Variants in ENOX1 observed in about 807,000 individuals in gnomAD.
ENOX1 encodes candidate growth-related and time keeping constitutive hydroquinone (NADH) oxidase.
Under a neutral mutation model 82.5 loss-of-function variants are expected in ENOX1, and 42 were observed. The ratio of observed to expected loss-of-function variants is 0.51; its 90% CI spans 0.40 to 0.66. ENOX1 has a LOEUF of 0.66. Ranked by LOEUF, ENOX1 falls within the 30% of genes least tolerant of loss-of-function variation. ENOX1 has a pLI of 0.00. For synonymous variants in ENOX1, 271 were observed against 282.2 expected (o/e 0.96, Z 0.40); for missense variants, 608 against 811.6 (o/e 0.75, Z 3.05).
chr13:43,410,472 C>A (rs192802488), intron 5 of ENOX1, among the ~76,000 whole-genome samples: 58 of 152,074 alleles, frequency 3.8e-4, no homozygotes, highest in Non-Finnish European at 7.8e-4. Context: ...AATAAATATC[C>A]TAAATATAAT....
At chr13:43,388,883 T>A (rs2052596461) in intron 5 of ENOX1, among the ~76,000 whole-genome samples, 1 of 152,112 alleles carries the variant, frequency 6.6e-6, no homozygotes, top group Non-Finnish European at 1.5e-5. Context: ...CTGGAAACAC[T>A]GCCTAATTAT....
At chr13:43,296,937 C>T (rs759602193) in intron 12 of ENOX1, among the ~76,000 whole-genome samples, 2 of 152,160 alleles carry the variant, frequency 1.3e-5, no homozygotes, top group Non-Finnish European at 2.9e-5. Context: ...TGCCAACAAA[C>T]ACCCAATGTT....
chr13:43,630,659 A>C (rs1428999247), intron 2 of ENOX1, among the ~76,000 whole-genome samples: 4 of 152,214 alleles, frequency 2.6e-5, no homozygotes, highest in Non-Finnish European at 4.4e-5. Flanking sequence ...TCAAACTAAA[A>C]AAAAAAAAGA....
At chr13:43,591,539 C>T (rs965754565) in intron 2 of ENOX1, among the ~76,000 whole-genome samples, 32 of 152,110 alleles carry the variant, frequency 2.1e-4, no homozygotes, top group Admixed American at 9.8e-4. Context: ...GAGAAAAGTA[C>T]GTAGGAGACA....
intron 9 of ENOX1, among the ~76,000 whole-genome samples, 185 bp downstream of exon 9, chr13:43,344,353 T>C (rs1178798322): frequency 1.3e-5 from 2 of 152,152 alleles, no homozygotes; most frequent in Non-Finnish European, 2.9e-5. Context: ...AAGTAAACTC[T>C]CAGGGCAGGG....
chr13:43,233,873 T>C (rs2042398356), intron 15 of ENOX1, among the ~76,000 whole-genome samples: 1 of 152,202 alleles, frequency 6.6e-6, no homozygotes, highest in Non-Finnish European at 1.5e-5. Flanking sequence ...TCCTCTCTAC[T>C]GACTTAATTA....
intron 3 of ENOX1, among the ~76,000 whole-genome samples, chr13:43,415,232 GTTTTTTTT>G (rs71202260): frequency 8.1e-4 from 44 of 54,644 alleles, no homozygotes; most frequent in African/African-American, 3.0e-3. Flanking sequence ...CCAATCCAAT[GTTTTTTTT>G]TTTTTTTTTT....
At chr13:43,593,025 C>T (rs557534280) in intron 2 of ENOX1, among the ~76,000 whole-genome samples, 198 of 152,332 alleles carry the variant, frequency 1.3e-3, no homozygotes, top group South Asian at 5.2e-3. Flanking sequence ...AGCAGCAACG[C>T]TGTGCTAGTA....
chr13:43,280,424 A>G (rs1046450843), intron 12 of ENOX1, among the ~76,000 whole-genome samples: 1 of 152,236 alleles, frequency 6.6e-6, no homozygotes, highest in Non-Finnish European at 1.5e-5. Flanking sequence ...AACAACAGAT[A>G]TTACCATCAT....
intron 2 of ENOX1, among the ~76,000 whole-genome samples, chr13:43,632,853 C>T (rs1018051530): frequency 1.4e-4 from 21 of 152,262 alleles, no homozygotes; most frequent in Middle Eastern, 6.8e-3. Flanking sequence ...TTATCATATA[C>T]TAAATTATTT....
chr13:43,578,600 C>T (rs2080551406), intron 2 of ENOX1, among the ~76,000 whole-genome samples: 1 of 152,150 alleles, frequency 6.6e-6, no homozygotes, highest in Non-Finnish European at 1.5e-5. Context: ...ACAATCAAAT[C>T]CCCTTGCTTT....
At chr13:43,427,586 G>A (rs953809619) in intron 3 of ENOX1, among the ~76,000 whole-genome samples, 3 of 152,142 alleles carry the variant, frequency 2.0e-5, no homozygotes, top group Non-Finnish European at 4.4e-5. Flanking sequence ...TTCCATCCCT[G>A]GGGGTAGATT....
At chr13:43,589,216 G>GGA (rs766658402) in intron 2 of ENOX1, among the ~76,000 whole-genome samples, 2 of 79,772 alleles carry the variant, frequency 2.5e-5, no homozygotes, top group African/African-American at 5.3e-5. Context: ...GACATTAATG[G>GGA]AAAAAAAAAA....
At chr13:43,597,697 A>G (rs1298229564) in intron 2 of ENOX1, among the ~76,000 whole-genome samples, 1 of 152,200 alleles carries the variant, frequency 6.6e-6, no homozygotes, top group African/African-American at 2.4e-5. Context: ...TCTTCTGCTC[A>G]AAACCCTGCA....
intron 3 of ENOX1, among the ~76,000 whole-genome samples, chr13:43,444,376 G>T (rs2056515557): frequency 6.6e-6 from 1 of 152,196 alleles, no homozygotes; most frequent in East Asian, 1.9e-4. Context: ...AGGCTGAGCT[G>T]CAGGCTTCAT....
At chr13:43,521,823 G>A (rs1205370046) in intron 2 of ENOX1, among the ~76,000 whole-genome samples, 1 of 152,140 alleles carries the variant, frequency 6.6e-6, no homozygotes, top group Non-Finnish European at 1.5e-5. Context: ...TCAGTGGACG[G>A]TGTAGGCTCA....
At chr13:43,406,396 A>G (rs1210109846) in intron 5 of ENOX1, among the ~76,000 whole-genome samples, 2 of 152,140 alleles carry the variant, frequency 1.3e-5, no homozygotes, top group African/African-American at 4.8e-5. Flanking sequence ...AAGGGTGCTG[A>G]TAGACCCTTA....
chr13:43,215,814 G>A lies in ENOX1; in HGVS notation c.1801-1693C>T, dbSNP rs143728439. The stretch of plus-strand genomic sequence containing the variant: ...CAGCCAGCCTCTTCTCTGGAGATCC[G>A]GATTCAGCTGGTCTTGGGTGTAGCC... On this transcript the variant is annotated intron_variant, in intron 16 of 16. Transcript: ENST00000690772. 6.9e-3 allele frequency among the ~76,000 whole-genome samples: 1,044 copies of A among 152,272 alleles called. 11 individuals are homozygous for A. The highest frequency in any genetic ancestry group is 0.034 in the Middle Eastern group (10 of 294).
intron 14 of ENOX1, among the ~76,000 whole-genome samples, chr13:43,254,955 T>C (rs553752807): frequency 6.6e-6 from 1 of 152,014 alleles, no homozygotes; most frequent in South Asian, 2.1e-4. Context: ...CTACCACATA[T>C]TAAAAAAGAA....
Sources: allele counts gnomAD v4.1 joint callset (sites outside exome capture counted in the v4.1 genomes callset), GRCh38; gene constraint gnomAD v4.1.1; transcripts MANE v1.5; gene names NCBI Gene and HGNC (gene_info 2026-07-23, HGNC 2026-07-21).